The following PHLDB3 variants were observed in gnomAD, a reference collection of about 807,000 sequenced individuals.
The protein encoded by PHLDB3 is pleckstrin homology-like domain family B member 3.
A neutral mutation model predicts 85.7 loss-of-function variants in PHLDB3; 86 were observed. The ratio of observed to expected loss-of-function variants is 1.00; its 90% CI spans 0.84 to 1.20. PHLDB3 has a LOEUF of 1.20. PHLDB3 is among the 50% of genes most tolerant of loss of function. The probability of loss-of-function intolerance (pLI) is 0.00; values close to 1 mark genes in which losing one functional copy is unlikely to be tolerated. For synonymous variants in PHLDB3, 376 were observed against 349.8 expected (o/e 1.07, Z -0.83); for missense variants, 995 against 873.0 (o/e 1.14, Z -1.76).
chr19:43,502,792 T>C (rs1357664265), intron 2 of PHLDB3, among the ~76,000 whole-genome samples: 1 of 151,744 alleles, frequency 6.6e-6, no homozygotes, highest in African/African-American at 2.4e-5. Flanking sequence ...TGGGGGAGGG[T>C]GCAAGTCCCG....
chr19:43,497,243 C>A lies in PHLDB3; in HGVS notation c.700G>T (p.Glu234Ter). 1 of 1,516,932 alleles carries A rather than the reference C, an allele frequency of 6.6e-7. No homozygotes were observed. Among genetic ancestry groups the A allele is most frequent in the Non-Finnish European group, 8.8e-7 (1 of 1,134,380 alleles). The allele number at this position is 1,516,932 out of a possible 1,614,324, so 94.0% of individuals were successfully genotyped here. A position where few individuals can be genotyped will look rare whatever the true frequency, so the allele number is the denominator to read the frequency against. The change falls in exon 6 of 16, where the codon GAG becomes TAG. Residue 234 changes from glutamate (E) to a stop codon, truncating the protein, a stop_gained. Transcript: ENST00000292140. LOFTEE classifies it high-confidence loss of function. ...EQLDVAQRAY[E>*]DLEFQQLERE... is the part of the protein sequence containing the mutation. ...TCCAGTTGCTGGAACTCCAGGTCCTCATAGGCACGTTGGGCCACATCCAGT... is the reference window on the plus strand; with the variant it reads ...TCCAGTTGCTGGAACTCCAGGTCCTAATAGGCACGTTGGGCCACATCCAGT...
chr19:43,479,630 G>A (rs1971002003), intron 13 of PHLDB3, 37 bp from the exon 14 acceptor site: 1 of 1,435,038 alleles, frequency 7.0e-7, no homozygotes. Context: ...GATGTAAGGG[G>A]CGGGGGATTC....
At chr19:43,494,851 A>G in intron 8 of PHLDB3, 36 bp from the exon 9 acceptor site, 1 of 1,503,564 alleles carries the variant, frequency 6.7e-7, no homozygotes, top group Non-Finnish European at 9.1e-7. Context: ...TGGGAGCAGG[A>G]GAGACCCCAG....
chr19:43,498,044 AGAAAT>A (rs1971506166), intron 4 of PHLDB3, among the ~76,000 whole-genome samples, 168 bp from the exon 5 acceptor site: 1 of 152,178 alleles, frequency 6.6e-6, no homozygotes. Context: ...AAGATTTTAA[AGAAAT>A]GAATGAGGCC....
chr19:43,488,672 C>T (rs1207277396), intron 9 of PHLDB3, among the ~76,000 whole-genome samples: 1 of 152,122 alleles, frequency 6.6e-6, no homozygotes, highest in Non-Finnish European at 1.5e-5. Flanking sequence ...CACTCATACA[C>T]ATGCAAAGTG....
chr19:43,498,861 G>C (rs967948831), intron 4 of PHLDB3, among the ~76,000 whole-genome samples: 5 of 152,332 alleles, frequency 3.3e-5, no homozygotes, highest in Admixed American at 6.5e-5. Flanking sequence ...ATGCATGAAA[G>C]TTGAAAAGTA....
At chr19:43,479,756 G>C (rs1223699024) in intron 13 of PHLDB3, among the ~76,000 whole-genome samples, 163 bp from the exon 14 acceptor site, 2 of 152,170 alleles carry the variant, frequency 1.3e-5, no homozygotes, top group East Asian at 3.8e-4. Flanking sequence ...CGGCTACGTG[G>C]ATTGACTGTG....
chr19:43,480,809 G>T (rs1221270247), intron 13 of PHLDB3, among the ~76,000 whole-genome samples: 2 of 152,150 alleles, frequency 1.3e-5, no homozygotes, highest in Non-Finnish European at 2.9e-5. Context: ...AGCTGACAGA[G>T]CCAGGACTCA....
intron 2 of PHLDB3, 141 bp from the exon 3 acceptor site, chr19:43,502,424 T>C (rs1174291088): frequency 1.4e-5 from 10 of 718,370 alleles, no homozygotes; most frequent in Non-Finnish European, 2.2e-5. Context: ...ACTCCCATAA[T>C]CTGTCGCAGG....
At position 43,495,296 on chromosome 19, in the gene PHLDB3, G is replaced by A. The variant is rs760141684; in HGVS notation, c.995C>T (p.Pro332Leu). 3 of 1,613,858 alleles carry A rather than the reference G, an allele frequency of 1.9e-6. No homozygotes were observed. Among genetic ancestry groups the A allele is most frequent in the Middle Eastern group, 1.6e-4 (1 of 6,062 alleles). ...LLELNCLQGT[P>L]GGDFSEPNPA... is the part of the protein sequence containing the mutation. ...GTTGGGCTCAGAGAAGTCCCCGCCA[G>A]GTGTTCCCTGAAGGCAATTGAGCTC... The change falls in exon 8 of 16, where the codon CCT (proline) becomes CTT (leucine). Residue 332 changes from proline (P) to leucine (L), a missense_variant. Transcript: ENST00000292140.
At chr19:43,485,570 T>C (rs1971136746) in intron 13 of PHLDB3, among the ~76,000 whole-genome samples, 1 of 151,610 alleles carries the variant, frequency 6.6e-6, no homozygotes, top group Admixed American at 6.6e-5. Context: ...TTTTTTTTTT[T>C]TTTTGAGACA....
intron 9 of PHLDB3, among the ~76,000 whole-genome samples, chr19:43,493,650 G>C (rs768235057): frequency 2.0e-5 from 3 of 151,772 alleles, no homozygotes; most frequent in Admixed American, 1.3e-4. Flanking sequence ...AGCTAGAAGA[G>C]GACTTGAAAT....
chr19:43,487,113 C>T lies in PHLDB3; in HGVS notation c.1160G>A (p.Gly387Asp), dbSNP rs773170725. 21 of 1,560,336 alleles carry T rather than the reference C, an allele frequency of 1.3e-5. No homozygotes were observed. The highest frequency in any genetic ancestry group is 1.7e-6 in the Non-Finnish European group (2 of 1,151,660). The change falls in exon 10 of 16, where the codon GGC becomes GAC. Residue 387 changes from glycine (G) to aspartate (D), a missense_variant. Physicochemically the swap from Gly to Asp is moderately conservative, Grantham distance 94. Coordinates refer to ENST00000292140, the MANE Select transcript of PHLDB3 (RefSeq NM_198850.4). ...SVHSSLQGSI[G>D]LQRTGSLPRK... ...GGGCAGGCTCCCAGTCCTCTGGAGG[C>T]CAATGGAGCCCTGAAAACACAAAAG...
At chr19:43,501,058 C>T (rs1971583456) in intron 4 of PHLDB3, among the ~76,000 whole-genome samples, 1 of 151,422 alleles carries the variant, frequency 6.6e-6, no homozygotes. Context: ...GGGACGAGAA[C>T]AAATTGGAGA....
At chr19:43,491,068 T>C (rs1273000898) in intron 9 of PHLDB3, among the ~76,000 whole-genome samples, 1 of 152,178 alleles carries the variant, frequency 6.6e-6, no homozygotes, top group Admixed American at 6.6e-5. Flanking sequence ...CTTAGAGGCC[T>C]TCTGTGCACA....
intron 9 of PHLDB3, among the ~76,000 whole-genome samples, chr19:43,493,311 T>TAAATAAATAAATA (rs1341159257): frequency 2.0e-5 from 3 of 149,150 alleles, no homozygotes; most frequent in Middle Eastern, 3.5e-3. Flanking sequence ...AATAAATAAA[T>TAAATAAATAAATA]AAATAAAATA....
intron 13 of PHLDB3, among the ~76,000 whole-genome samples, chr19:43,484,157 G>A (rs748579570): frequency 1.3e-4 from 19 of 151,378 alleles, no homozygotes; most frequent in Middle Eastern, 3.4e-3. Context: ...AGGCTGAGGC[G>A]GGAGAATCGC....
Position 43,475,506 on chromosome 19 carries a change from G to C in PHLDB3, c.1827C>G (p.Tyr609Ter). The change falls in exon 16 of 16, where the codon TAC becomes TAG. Residue 609 changes from tyrosine (Y) to a stop codon, truncating the protein, a stop_gained. Coordinates refer to ENST00000292140, the MANE Select transcript of PHLDB3 (RefSeq NM_198850.4). LOFTEE classifies it high-confidence loss of function. ...GAGCCACCATGTAGAAAAGGCGTTCGTAGGTTTTGACGCAGAAGGTCAGGC... is the reference window on the plus strand; with the variant it reads ...GAGCCACCATGTAGAAAAGGCGTTCCTAGGTTTTGACGCAGAAGGTCAGGC... The part of the protein sequence containing the change: ...NPRLTFCVKT[Y>*]ERLFYMVAPS... The C allele has an allele frequency of 6.2e-7, 1 of 1,613,978 alleles. No individual in the cohort carries two copies. The highest frequency in any genetic ancestry group is 8.5e-7 in the Non-Finnish European group (1 of 1,179,896).
intron 9 of PHLDB3, among the ~76,000 whole-genome samples, chr19:43,489,601 G>A (rs1971266984): frequency 1.3e-5 from 2 of 151,924 alleles, no homozygotes; most frequent in Admixed American, 1.3e-4. Flanking sequence ...AATTTTGAAC[G>A]AGGAGAATGT....
Sources: gnomAD v4.1 joint callset for allele counts (sites outside exome capture counted in the v4.1 genomes callset) on GRCh38, gnomAD v4.1.1 for gene constraint, MANE v1.5 for transcripts, NCBI Gene and HGNC (gene_info 2026-07-23, HGNC 2026-07-21) for gene names.